FRMD4A: variants seen among roughly 807,000 people sequenced by gnomAD.
The protein encoded by FRMD4A is FERM domain containing 4A, also known as FERM domain-containing protein 4A.
In FRMD4A, 29 loss-of-function variants were observed where a neutral mutation model predicts 129.1. That is an observed-to-expected ratio of 0.22 (90% CI 0.17 to 0.31). The LOEUF is 0.31. FRMD4A is among the 10% of genes least tolerant of loss of function. The pLI is 1.00. For synonymous variants in FRMD4A, 634 were observed against 571.6 expected, an observed-to-expected ratio of 1.11 and a Z score of -1.56; for missense variants, 1,272 against 1,375.8, an observed-to-expected ratio of 0.92 and a Z score of 1.19.
At chr10:13,681,739 C>T (rs1309666118) in intron 15 of FRMD4A, among the ~76,000 whole-genome samples, 1 of 152,120 alleles carries the variant, frequency 6.6e-6, no homozygotes, top group African/African-American at 2.4e-5. Context: ...TCCAGCACTG[C>T]CGTTTACCAG....
At chr10:13,862,823 A>G (rs2094312207) in intron 2 of FRMD4A, among the ~76,000 whole-genome samples, 1 of 152,242 alleles carries the variant, frequency 6.6e-6, no homozygotes, top group South Asian at 2.1e-4. Flanking sequence ...CTGGGTGTGT[A>G]CATAGAAAGA....
intron 2 of FRMD4A, among the ~76,000 whole-genome samples, chr10:14,135,320 C>A (rs1233624557): frequency 1.3e-5 from 2 of 152,214 alleles, no homozygotes; most frequent in Non-Finnish European, 2.9e-5. Flanking sequence ...CCAATCCCAG[C>A]AGCCCTACTT....
At chr10:13,967,717 G>C (rs936063454) in intron 2 of FRMD4A, among the ~76,000 whole-genome samples, 7 of 152,188 alleles carry the variant, frequency 4.6e-5, no homozygotes, top group African/African-American at 1.7e-4. Flanking sequence ...TCTGTCATTA[G>C]TTCCTGCTAA....
intron 2 of FRMD4A, among the ~76,000 whole-genome samples, chr10:14,122,995 A>G (rs1329331646): frequency 6.6e-6 from 1 of 152,214 alleles, no homozygotes; most frequent in Non-Finnish European, 1.5e-5. Context: ...GGTATAGAAC[A>G]CTGATACTTA....
intron 2 of FRMD4A, among the ~76,000 whole-genome samples, chr10:14,257,621 T>G (rs1328922098): frequency 2.0e-5 from 3 of 152,196 alleles, no homozygotes; most frequent in Admixed American, 2.0e-4. Context: ...GGATTTAGTG[T>G]GGGCCCTAAT....
chr10:14,306,089 T>C (rs1422136784), intron 2 of FRMD4A, among the ~76,000 whole-genome samples: 1 of 152,186 alleles, frequency 6.6e-6, no homozygotes, highest in African/African-American at 2.4e-5. Flanking sequence ...CACATTTATA[T>C]AACAAATAGG....
chr10:13,873,701 C>T (rs1473064502), intron 2 of FRMD4A, among the ~76,000 whole-genome samples: 1 of 151,994 alleles, frequency 6.6e-6, no homozygotes, highest in African/African-American at 2.4e-5. Context: ...CACCAGCCAC[C>T]ATGCCCCACT....
intron 2 of FRMD4A, among the ~76,000 whole-genome samples, chr10:13,873,623 T>A (rs1462341641): frequency 6.6e-6 from 1 of 152,184 alleles, no homozygotes; most frequent in Non-Finnish European, 1.5e-5. Context: ...CTCAGCTCAC[T>A]GCAACCTCTG....
At chr10:14,174,678 C>T (rs1378556820) in intron 2 of FRMD4A, among the ~76,000 whole-genome samples, 1 of 152,132 alleles carries the variant, frequency 6.6e-6, no homozygotes, top group Non-Finnish European at 1.5e-5. Context: ...AAAAGAAATC[C>T]CACTGCGTGG....
chr10:13,825,320 G>A (rs529853703), intron 3 of FRMD4A, among the ~76,000 whole-genome samples: 111 of 152,220 alleles, frequency 7.3e-4, no homozygotes, highest in African/African-American at 2.5e-3. Flanking sequence ...GGTGGGGAGC[G>A]TCAACACTAG....
intron 4 of FRMD4A, among the ~76,000 whole-genome samples, chr10:13,808,748 C>T (rs1351084262): frequency 6.6e-6 from 1 of 152,194 alleles, no homozygotes. Flanking sequence ...TTGCCAGCTC[C>T]AGTGGTTTTC....
rs141433306 is a variant in FRMD4A at position 14,258,383 on chromosome 10, A to G, written c.45+71675T>C. On this transcript the variant is annotated intron_variant, in intron 2 of 24. Transcript: ENST00000357447. ...ACAAACAACCCAAACAAAAAAATGAACAGATGATTTTAACAGACATTTCAT... is the reference window on the plus strand; with the variant it reads ...ACAAACAACCCAAACAAAAAAATGAGCAGATGATTTTAACAGACATTTCAT... 1.6e-3 allele frequency among the ~76,000 whole-genome samples: 250 copies of G among 152,160 alleles called. 1 individual carries two copies. Among genetic ancestry groups the G allele is most frequent in the African/African-American group, 5.6e-3 (234 of 41,566 alleles).
At chr10:14,234,875 C>G (rs187487639) in intron 2 of FRMD4A, among the ~76,000 whole-genome samples, 1 of 152,364 alleles carries the variant, frequency 6.6e-6, no homozygotes, top group African/African-American at 2.4e-5. Context: ...TCAGTTGCTA[C>G]TGAGTCTCAT....
At chr10:14,035,749 T>C (rs1588837793) in intron 2 of FRMD4A, among the ~76,000 whole-genome samples, 1 of 152,216 alleles carries the variant, frequency 6.6e-6, no homozygotes, top group Non-Finnish European at 1.5e-5. Context: ...CTCTAGTTTT[T>C]AATACAGCCT....
At chr10:13,989,896 C>T (rs2095597411) in intron 2 of FRMD4A, among the ~76,000 whole-genome samples, 1 of 152,186 alleles carries the variant, frequency 6.6e-6, no homozygotes, top group Admixed American at 6.5e-5. Context: ...TGTAACTGGG[C>T]ATCCTGTATT....
chr10:13,785,671 T>C lies in FRMD4A; in HGVS notation c.300-2665A>G, dbSNP rs570326884. On this transcript the variant is annotated intron_variant, in intron 5 of 24. Transcript: ENST00000357447. ...AGTTCTAGGGTACACATGCACAACG[T>C]GCAGGTTTGTTACGTATGTATACAT... Among the ~76,000 whole-genome samples the C allele has an allele frequency of 8.5e-5, 13 of 152,346 alleles. No individual in the cohort carries two copies. In the East Asian group the frequency reaches 2.5e-3, roughly 29 times the overall value.
intron 2 of FRMD4A, among the ~76,000 whole-genome samples, chr10:13,880,111 G>A (rs2094530579): frequency 6.6e-6 from 1 of 151,954 alleles, no homozygotes; most frequent in Non-Finnish European, 1.5e-5. Context: ...GGTGTCCCCT[G>A]ACCCAGGTTT....
chr10:13,771,899 GTGAAACCCT>G (rs2092464240), intron 6 of FRMD4A, among the ~76,000 whole-genome samples: 1 of 151,808 alleles, frequency 6.6e-6, no homozygotes, highest in African/African-American at 2.4e-5. Context: ...GGGCAACATG[GTGAAACCCT>G]GTTTCACTTT....
chr10:13,736,431 A>C (rs978130761), intron 12 of FRMD4A, among the ~76,000 whole-genome samples: 7 of 151,552 alleles, frequency 4.6e-5, no homozygotes, highest in Admixed American at 4.6e-4. Flanking sequence ...GCAAAACAAC[A>C]CTCCCTCCAC....
Sources: gnomAD v4.1 joint callset for allele counts (sites outside exome capture counted in the v4.1 genomes callset) on GRCh38, gnomAD v4.1.1 for gene constraint, MANE v1.5 for transcripts, NCBI Gene and HGNC (gene_info 2026-07-23, HGNC 2026-07-21) for gene names.